SUGCT: variants seen among roughly 807,000 people sequenced by gnomAD.
SUGCT encodes succinyl-CoA:glutarate-CoA transferase.
In SUGCT, 41 loss-of-function variants were observed where a neutral mutation model predicts 55.0. The observed-to-expected ratio is 0.74, with a 90% CI of 0.58 to 0.97. The LOEUF is 0.97. Ranked by LOEUF, SUGCT falls within the 50% of genes least tolerant of loss-of-function variation. The pLI is 0.00. For synonymous variants in SUGCT, 187 were observed against 200.4 expected (o/e 0.93, Z 0.56); for missense variants, 568 against 547.8 (o/e 1.04, Z -0.37).
intron 1 of SUGCT, among the ~76,000 whole-genome samples, chr7:40,156,828 A>G (rs1783919654): frequency 6.6e-6 from 1 of 152,078 alleles, no homozygotes; most frequent in East Asian, 1.9e-4. Context: ...CAGCCTGGCC[A>G]ACGTGGTGAA....
At chr7:40,428,810 T>C (rs1168751673) in intron 9 of SUGCT, among the ~76,000 whole-genome samples, 2 of 152,212 alleles carry the variant, frequency 1.3e-5, no homozygotes, top group Non-Finnish European at 2.9e-5. Context: ...TTTGTCTATA[T>C]GTTTGTCAGT....
intron 12 of SUGCT, among the ~76,000 whole-genome samples, chr7:40,585,936 C>T (rs1241185917): frequency 1.3e-5 from 2 of 152,162 alleles, no homozygotes; most frequent in East Asian, 3.9e-4. Flanking sequence ...CTGTCTTGGC[C>T]TCCAATGTGC....
At chr7:40,239,949 G>T (rs1347732563) in intron 7 of SUGCT, among the ~76,000 whole-genome samples, 1 of 152,154 alleles carries the variant, frequency 6.6e-6, no homozygotes, top group African/African-American at 2.4e-5. Flanking sequence ...TGGGAATGGT[G>T]GTAGGCGCTG....
chr7:40,947,744 A>G, the SUGCT span, among the ~76,000 whole-genome samples: 9 of 152,184 alleles, frequency 5.9e-5, no homozygotes, highest in African/African-American at 2.2e-4. Context: ...TTAGCTTGGC[A>G]GTCCACTAAT....
intron 12 of SUGCT, among the ~76,000 whole-genome samples, chr7:40,596,973 A>G (rs758089253): frequency 6.6e-5 from 10 of 152,350 alleles, no homozygotes; most frequent in Admixed American, 2.0e-4. Context: ...TGTATTACCA[A>G]TGCAACCTAG....
At chr7:40,560,686 G>T (rs1358269421) in intron 12 of SUGCT, among the ~76,000 whole-genome samples, 3 of 152,170 alleles carry the variant, frequency 2.0e-5, no homozygotes, top group Non-Finnish European at 4.4e-5. Flanking sequence ...AAAATTGAAA[G>T]TATGTCTTTA....
At chr7:40,941,901 G>C in the SUGCT span, among the ~76,000 whole-genome samples, 1 of 151,432 alleles carries the variant, frequency 6.6e-6, no homozygotes, top group East Asian at 1.9e-4. Context: ...TTCATTTTTT[G>C]TTTCCATTTT....
chr7:40,820,741 A>C (rs1372982481), intron 13 of SUGCT, among the ~76,000 whole-genome samples: 1 of 152,150 alleles, frequency 6.6e-6, no homozygotes, highest in Non-Finnish European at 1.5e-5. Flanking sequence ...TCTTTTCCTA[A>C]CTGAATACCC....
chr7:40,264,908 G>A (rs557931186), intron 7 of SUGCT, among the ~76,000 whole-genome samples: 60 of 152,208 alleles, frequency 3.9e-4, no homozygotes, highest in African/African-American at 1.3e-3. Flanking sequence ...TTTATAAAAA[G>A]TCTCATTTGT....
chr7:40,348,873 A>T (rs1031941240), intron 9 of SUGCT, among the ~76,000 whole-genome samples: 1 of 152,000 alleles, frequency 6.6e-6, no homozygotes, highest in African/African-American at 2.4e-5. Flanking sequence ...TCATAATCTC[A>T]TGTTTGATTT....
chr7:40,888,255 A>G, the SUGCT span, among the ~76,000 whole-genome samples: 5 of 152,260 alleles, frequency 3.3e-5, no homozygotes, highest in East Asian at 1.9e-4. Context: ...TGCTTCCAAC[A>G]TGGACTTGGA....
chr7:40,414,402 T>C (rs376083102), intron 9 of SUGCT, among the ~76,000 whole-genome samples: 6 of 152,060 alleles, frequency 3.9e-5, no homozygotes, highest in Non-Finnish European at 8.8e-5. Context: ...CAAATAAACA[T>C]AGTATATATA....
At chr7:40,272,450 T>G (rs1227765566) in intron 7 of SUGCT, among the ~76,000 whole-genome samples, 1 of 150,104 alleles carries the variant, frequency 6.7e-6, no homozygotes, top group Non-Finnish European at 1.5e-5. Flanking sequence ...TGTTGGGATT[T>G]ATAGGCATGA....
At chr7:40,504,595 C>G (rs138878668) in intron 12 of SUGCT, among the ~76,000 whole-genome samples, 3 of 151,864 alleles carry the variant, frequency 2.0e-5, no homozygotes, top group Non-Finnish European at 2.9e-5. Flanking sequence ...CCACCACACC[C>G]GCTAATTTTT....
At chr7:40,649,961 G>C (rs1800696417) in intron 12 of SUGCT, among the ~76,000 whole-genome samples, 1 of 152,216 alleles carries the variant, frequency 6.6e-6, no homozygotes, top group African/African-American at 2.4e-5. Context: ...TCAGGAACCT[G>C]AGCATGGCTT....
At chr7:40,820,097 T>C (rs1584486958) in intron 13 of SUGCT, among the ~76,000 whole-genome samples, 1 of 152,274 alleles carries the variant, frequency 6.6e-6, no homozygotes, top group East Asian at 1.9e-4. Flanking sequence ...CTGAGGGCTC[T>C]GTTCTGTTCT....
chr7:40,859,016 T>A (rs1794343535), intron 13 of SUGCT, among the ~76,000 whole-genome samples: 2 of 152,322 alleles, frequency 1.3e-5, no homozygotes, highest in East Asian at 3.9e-4. Context: ...ATGGGCATTC[T>A]TTTACCCACT....
chr7:40,386,961 C>G (rs1472924278), intron 9 of SUGCT, among the ~76,000 whole-genome samples: 1 of 152,146 alleles, frequency 6.6e-6, no homozygotes, highest in Non-Finnish European at 1.5e-5. Context: ...ATCCCTTACT[C>G]TCACACCAAT....
intron 12 of SUGCT, among the ~76,000 whole-genome samples, chr7:40,528,515 A>G (rs1793920346): frequency 6.6e-6 from 1 of 152,174 alleles, no homozygotes; most frequent in African/African-American, 2.4e-5. Flanking sequence ...AGACCAGTAG[A>G]TTTAGGGAGA....
Sources: gnomAD v4.1 joint callset for allele counts (sites outside exome capture counted in the v4.1 genomes callset) on GRCh38, gnomAD v4.1.1 for gene constraint, MANE v1.5 for transcripts, NCBI Gene and HGNC (gene_info 2026-07-23, HGNC 2026-07-21) for gene names.